Variants in RAB22A observed in about 807,000 individuals in gnomAD.
RAB22A encodes the protein RAB22A, member RAS oncogene family.
RAB22A carries 13 observed loss-of-function variants against 30.2 expected under a neutral mutation model. The ratio of observed to expected loss-of-function variants is 0.43; its 90% confidence interval spans 0.28 to 0.68. The LOEUF (loss-of-function observed/expected upper bound fraction) is 0.68, where lower values mean the gene tolerates loss of function less well. Ranked by LOEUF, RAB22A falls within the 30% of genes least tolerant of loss-of-function variation. The pLI is 0.18. For synonymous variants in RAB22A, 89 were observed against 87.2 expected (o/e 1.02, Z -0.11); for missense variants, 177 against 246.8 (o/e 0.72, Z 1.89).
intron 3 of RAB22A, among the ~76,000 whole-genome samples, chr20:58,351,568 C>T (rs971219621): frequency 7.2e-5 from 11 of 152,174 alleles, no homozygotes; most frequent in South Asian, 2.1e-4. Flanking sequence ...AATCCCAGCA[C>T]TTTGGGAGGC....
chr20:58,322,821 C>A (rs1288561053), intron 2 of RAB22A, among the ~76,000 whole-genome samples: 1 of 111,358 alleles, frequency 9.0e-6, no homozygotes, highest in Non-Finnish European at 1.8e-5. Flanking sequence ...TTCAAAGAGA[C>A]CATTAGTCTT....
At chr20:58,311,456 T>TC (rs1986224519) in intron 2 of RAB22A, among the ~76,000 whole-genome samples, 1 of 152,224 alleles carries the variant, frequency 6.6e-6, no homozygotes, top group Non-Finnish European at 1.5e-5. Flanking sequence ...GTGCTATTCT[T>TC]TCAGGCATAT....
chr20:58,312,412 G>T (rs907754271), intron 2 of RAB22A, among the ~76,000 whole-genome samples: 3 of 143,980 alleles, frequency 2.1e-5, no homozygotes, highest in African/African-American at 7.8e-5. Flanking sequence ...TATCACACCT[G>T]GCTAAATTTT....
At chr20:58,325,101 T>G (rs1438351793) in intron 2 of RAB22A, among the ~76,000 whole-genome samples, 183 of 115,466 alleles carry the variant, frequency 1.6e-3, no homozygotes, top group Middle Eastern at 0.016. Context: ...CGCTTAAACC[T>G]GGGAGTCGGA....
At chr20:58,319,660 A>T (rs965978993) in intron 2 of RAB22A, among the ~76,000 whole-genome samples, 2 of 152,140 alleles carry the variant, frequency 1.3e-5, no homozygotes, top group Admixed American at 1.3e-4. Flanking sequence ...TCATCTTAAC[A>T]CTATTCCATT....
At chr20:58,323,325 A>G (rs1278869287) in intron 2 of RAB22A, among the ~76,000 whole-genome samples, 1 of 152,178 alleles carries the variant, frequency 6.6e-6, no homozygotes. Flanking sequence ...AGTTATATCC[A>G]GTAACCTTGC....
At chr20:58,312,210 C>G (rs1986240813) in intron 2 of RAB22A, among the ~76,000 whole-genome samples, 1 of 151,976 alleles carries the variant, frequency 6.6e-6, no homozygotes, top group African/African-American at 2.4e-5. Context: ...CCACCTCAAC[C>G]TCTCAAAGTG....
At chr20:58,317,695 A>C (rs1986371935) in intron 2 of RAB22A, among the ~76,000 whole-genome samples, 1 of 150,556 alleles carries the variant, frequency 6.6e-6, no homozygotes, top group Admixed American at 6.6e-5. Context: ...AGTAGCTGGG[A>C]CTACAGGCAC....
intron 2 of RAB22A, among the ~76,000 whole-genome samples, chr20:58,317,620 G>A (rs1228728638): frequency 6.9e-5 from 10 of 145,228 alleles, no homozygotes; most frequent in Admixed American, 2.1e-4. Flanking sequence ...GTGCAGTGGC[G>A]CGATCTCGGC....
chr20:58,351,054 A>G (rs920801405), intron 3 of RAB22A, among the ~76,000 whole-genome samples: 1 of 152,202 alleles, frequency 6.6e-6, no homozygotes, highest in African/African-American at 2.4e-5. Context: ...AAAAACGTGC[A>G]GTAGTCCAGA....
intron 2 of RAB22A, among the ~76,000 whole-genome samples, chr20:58,324,464 A>G (rs1986519975): frequency 6.6e-6 from 1 of 150,680 alleles, no homozygotes; most frequent in African/African-American, 2.4e-5. Flanking sequence ...ACTAATTTCT[A>G]CTCCCATCTT....
intron 2 of RAB22A, among the ~76,000 whole-genome samples, chr20:58,314,674 C>G (rs1986300421): frequency 6.6e-6 from 1 of 151,954 alleles, no homozygotes; most frequent in Non-Finnish European, 1.5e-5. Context: ...AACCCCGTCT[C>G]TACTAAAAAT....
At chr20:58,310,442 A>G (rs1410312941) in intron 1 of RAB22A, among the ~76,000 whole-genome samples, 1 of 152,162 alleles carries the variant, frequency 6.6e-6, no homozygotes, top group Non-Finnish European at 1.5e-5. Context: ...GTGTTTTTGA[A>G]CTTGTGGGAT....
intron 2 of RAB22A, among the ~76,000 whole-genome samples, chr20:58,314,856 GA>G (rs1279962357): frequency 6.6e-6 from 1 of 151,828 alleles, no homozygotes; most frequent in Non-Finnish European, 1.5e-5. Context: ...AAAAAGAAAA[GA>G]AAAAAAAGTT....
At chr20:58,316,666 C>T (rs1220592290) in intron 2 of RAB22A, among the ~76,000 whole-genome samples, 1 of 152,162 alleles carries the variant, frequency 6.6e-6, no homozygotes, top group Non-Finnish European at 1.5e-5. Flanking sequence ...GCAGCAGCAC[C>T]AAATTCCCTC....
chr20:58,330,852 T>C (rs1342130071), intron 2 of RAB22A, among the ~76,000 whole-genome samples: 4 of 152,238 alleles, frequency 2.6e-5, no homozygotes, highest in Non-Finnish European at 5.9e-5. Flanking sequence ...GCCTTCCAGC[T>C]GTTGCTGTCC....
chr20:58,310,074 TC>T (rs1276624822), intron 1 of RAB22A, 62 bp downstream of exon 1: 18 of 1,226,218 alleles, frequency 1.5e-5, no homozygotes, highest in Non-Finnish European at 1.7e-5. Flanking sequence ...GGACCCCGGA[TC>T]CCCCCTGTCC....
chr20:58,343,931 C>T lies in RAB22A; in HGVS notation c.198+132C>T, dbSNP rs549745072. 8.1e-5 allele frequency: 61 copies of T among 756,588 alleles called. No individual in the cohort carries two copies. In the East Asian group the frequency reaches 1.4e-3, roughly 18 times the overall value. 46.9% of individuals were successfully genotyped at this position (756,588 alleles called of 1,614,324 possible). ...CCGGAGACACATTTATTTCCATTTG[C>T]GTAGGCCAGCCTTTGCCTTTGCCTT... On this transcript the variant is annotated intron_variant, in intron 3 of 6. Transcript: ENST00000244040.
intron 2 of RAB22A, among the ~76,000 whole-genome samples, chr20:58,319,421 TGTCCTCAAGCCA>T (rs775153986): frequency 2.6e-5 from 4 of 152,374 alleles, no homozygotes; most frequent in African/African-American, 4.8e-5. Flanking sequence ...TCTATTCATC[TGTCCTCAAGCCA>T]GTACAATATT....
Sources: allele counts gnomAD v4.1 joint callset (sites outside exome capture counted in the v4.1 genomes callset), GRCh38; gene constraint gnomAD v4.1.1; transcripts MANE v1.5; gene names NCBI Gene and HGNC (gene_info 2026-07-23, HGNC 2026-07-21).